Variants in NAA16 observed in about 807,000 individuals in gnomAD.
NAA16 encodes N-alpha-acetyltransferase 16, NatA auxiliary subunit.
NAA16 carries 97 observed loss-of-function variants against 110.3 expected under a neutral mutation model. The ratio of observed to expected loss-of-function variants is 0.88; its 90% CI spans 0.75 to 1.04. The LOEUF is 1.04. Among genes scored for constraint, NAA16 ranks in the 50% least tolerant of loss-of-function variants. The pLI is 0.00. For missense variants in NAA16, 1,017 were observed against 1,005.1 expected (o/e 1.01, Z -0.16); for synonymous variants, 372 against 330.6 (o/e 1.13, Z -1.36).
intron 8 of NAA16, 78 bp from the exon 9 acceptor site, chr13:41,336,572 C>A: frequency 1.1e-6 from 1 of 893,240 alleles, no homozygotes. Context: ...TCTGAGGGAG[C>A]TTTATTTTTA....
At chr13:41,342,361 C>T (rs982801871) in intron 9 of NAA16, among the ~76,000 whole-genome samples, 4 of 152,116 alleles carry the variant, frequency 2.6e-5, no homozygotes, top group African/African-American at 4.8e-5. Flanking sequence ...TGGTCTCGAA[C>T]TCCTGAGCGC....
At chr13:41,356,080 A>G (rs1019688205) in intron 10 of NAA16, among the ~76,000 whole-genome samples, 1 of 152,106 alleles carries the variant, frequency 6.6e-6, no homozygotes, top group African/African-American at 2.4e-5. Context: ...TCTGGGCTCA[A>G]GTGATCCTCC....
chr13:41,350,597 G>GTTTTT (rs377318965), intron 9 of NAA16, among the ~76,000 whole-genome samples: 1 of 26,184 alleles, frequency 3.8e-5, no homozygotes, highest in Non-Finnish European at 7.4e-5. Context: ...CGCCCTGCCA[G>GTTTTT]TTTTTTTTTG....
chr13:41,364,926 T>G (rs1433222602), intron 13 of NAA16, among the ~76,000 whole-genome samples: 1 of 152,120 alleles, frequency 6.6e-6, no homozygotes, highest in African/African-American at 2.4e-5. Context: ...TGAGAGGTAG[T>G]GGGAAGGAGA....
chr13:41,346,994 G>A (rs1230726958), intron 9 of NAA16, among the ~76,000 whole-genome samples: 7 of 152,038 alleles, frequency 4.6e-5, no homozygotes, highest in Non-Finnish European at 7.4e-5. Flanking sequence ...TGAGGTGGGT[G>A]GATCACGAGG....
chr13:41,327,135 TCTTA>T (rs1177532625), intron 6 of NAA16, among the ~76,000 whole-genome samples: 5 of 152,248 alleles, frequency 3.3e-5, no homozygotes, highest in African/African-American at 1.2e-4. Context: ...TTCATGAGCG[TCTTA>T]CTTTTAACTA....
chr13:41,311,466 G>T lies in NAA16; in HGVS notation c.-63G>T, dbSNP rs1366938721. On this transcript the variant is annotated 5_prime_UTR_variant, in exon 1 of 20. Coordinates refer to ENST00000379406, the MANE Select transcript of NAA16 (RefSeq NM_024561.5). ...GCGGTTCGTCCCGGTGCCCACCCCCGCGAAGCGGAGCGCCCGGGCACCTAG... is the reference window on the plus strand; with the variant it reads ...GCGGTTCGTCCCGGTGCCCACCCCCTCGAAGCGGAGCGCCCGGGCACCTAG... 4 of 1,515,754 alleles carry T rather than the reference G, an allele frequency of 2.6e-6. No homozygotes were observed. The highest frequency in any genetic ancestry group is 2.8e-5 in the African/African-American group (2 of 72,408). The allele number at this position is 1,515,754 out of a possible 1,614,324, so 93.9% of individuals were successfully genotyped here. A position where few individuals can be genotyped will look rare whatever the true frequency, so the allele number is the denominator to read the frequency against.
chr13:41,327,886 TATATG>T (rs2042134483), intron 6 of NAA16: 1 of 151,884 alleles, frequency 6.6e-6, no homozygotes, highest in South Asian at 2.1e-4. Context: ...GTTTGAGTGA[TATATG>T]ATATAAAAAT....
chr13:41,338,393 C>CT (rs924526220), intron 9 of NAA16, among the ~76,000 whole-genome samples: 26 of 151,414 alleles, frequency 1.7e-4, no homozygotes, highest in African/African-American at 5.6e-4. Context: ...AAATGCTAAA[C>CT]TTTTTTTTTG....
intron 1 of NAA16, among the ~76,000 whole-genome samples, chr13:41,311,893 C>G (rs1035600392): frequency 4.6e-5 from 7 of 152,246 alleles, no homozygotes; most frequent in Admixed American, 2.0e-4. Context: ...TAGTGGCTGC[C>G]GTGCTCTCTG....
intron 9 of NAA16, among the ~76,000 whole-genome samples, chr13:41,349,221 T>G (rs965223775): frequency 1.3e-5 from 2 of 152,152 alleles, no homozygotes; most frequent in Non-Finnish European, 2.9e-5. Flanking sequence ...GGTCTTGCTC[T>G]ATCACCCAGG....
chr13:41,336,744 C>T lies in NAA16; in HGVS notation c.1002C>T (p.Tyr334=), dbSNP rs1462625875. 5 of 1,589,276 alleles carry T rather than the reference C, an allele frequency of 3.1e-6. No individual in the cohort carries two copies. Among genetic ancestry groups the T allele is most frequent in the South Asian group, 2.3e-5 (2 of 87,704 alleles). The change falls in exon 9 of 20, where the codon TAC becomes TAT. Residue 334 remains tyrosine, a synonymous_variant. Coordinates refer to ENST00000379406, the MANE Select transcript of NAA16 (RefSeq NM_024561.5). ...PLFTTLKSLY[Y]NTEKVSIIQE... is the part of the protein sequence containing the mutation. ...TTACTACTTTGAAATCTTTATATTA[C>T]AATACAGAAAAGGTAAAATTTGGTA... is the stretch of plus-strand genomic sequence containing the variant.
At chr13:41,335,094 AG>A (rs2042344691) in intron 8 of NAA16, among the ~76,000 whole-genome samples, 9 of 152,234 alleles carry the variant, frequency 5.9e-5, no homozygotes, top group Non-Finnish European at 1.3e-4. Context: ...GAATAGACTG[AG>A]AAAGTTGACC....
chr13:41,341,545 G>A (rs182146337), intron 9 of NAA16, among the ~76,000 whole-genome samples: 2 of 152,084 alleles, frequency 1.3e-5, no homozygotes, highest in Admixed American at 6.5e-5. Context: ...ACAGGACTCC[G>A]TCTCTACAAA....
intron 12 of NAA16, among the ~76,000 whole-genome samples, chr13:41,360,450 CAGAA>C (rs773336979): frequency 5.3e-5 from 8 of 152,034 alleles, no homozygotes; most frequent in East Asian, 1.9e-4. Flanking sequence ...TTTTAAGAAA[CAGAA>C]AGCCCAGTGA....
intron 9 of NAA16, among the ~76,000 whole-genome samples, chr13:41,346,237 C>A (rs4942035): frequency 6.6e-6 from 1 of 152,340 alleles, no homozygotes; most frequent in South Asian, 2.1e-4. Flanking sequence ...TGAAGAGACT[C>A]TTCTTTCCCT....
chr13:41,344,202 A>G (rs2042625740), intron 9 of NAA16, among the ~76,000 whole-genome samples: 1 of 152,240 alleles, frequency 6.6e-6, no homozygotes, highest in African/African-American at 2.4e-5. Context: ...TGATAAACAC[A>G]GATAAATTCG....
At chr13:41,372,592 C>A (rs949144551) in intron 16 of NAA16, 140 bp from the exon 17 acceptor site, 2 of 1,324,544 alleles carry the variant, frequency 1.5e-6, no homozygotes, top group East Asian at 5.7e-5. Flanking sequence ...ACTTTGATAG[C>A]CAGAGTCAAC....
intron 9 of NAA16, among the ~76,000 whole-genome samples, chr13:41,340,743 C>A (rs2042520064): frequency 6.9e-6 from 1 of 144,000 alleles, no homozygotes; most frequent in African/African-American, 2.6e-5. Context: ...GTGGTGCGAT[C>A]TCGGCTCACT....
Sources: gnomAD v4.1 joint callset for allele counts (sites outside exome capture counted in the v4.1 genomes callset) on GRCh38, gnomAD v4.1.1 for gene constraint, MANE v1.5 for transcripts, NCBI Gene and HGNC (gene_info 2026-07-23, HGNC 2026-07-21) for gene names.